RGPD8: variants seen among roughly 807,000 people sequenced by gnomAD.
The protein encoded by RGPD8 is RANBP2 like and GRIP domain containing 8.
RGPD8 carries 15 observed loss-of-function variants against 89.1 expected under a neutral mutation model. That is an observed-to-expected ratio of 0.17 (90% CI 0.11 to 0.26). The LOEUF is 0.26. Ranked by LOEUF, RGPD8 falls within the 10% of genes least tolerant of loss-of-function variation. The probability of loss-of-function intolerance (pLI) is 1.00; values close to 1 mark genes in which losing one functional copy is unlikely to be tolerated. For missense variants in RGPD8, 178 were observed against 1,179.6 expected (o/e 0.15, Z 12.44); for synonymous variants, 62 against 420.9 (o/e 0.15, Z 10.44).
At chr2:112,425,360 A>T (rs1420246079) in intron 1 of RGPD8, among the ~76,000 whole-genome samples, 1 of 151,318 alleles carries the variant, frequency 6.6e-6, no homozygotes, top group Non-Finnish European at 1.5e-5. Flanking sequence ...TCAGTATTTT[A>T]CAGTCAAGGA....
At chr2:112,430,601 A>G (rs1679985397) in intron 1 of RGPD8, among the ~76,000 whole-genome samples, 1 of 151,714 alleles carries the variant, frequency 6.6e-6, no homozygotes, top group Non-Finnish European at 1.5e-5. Flanking sequence ...ATCTTTTGGA[A>G]GCCAAGGTCC....
chr2:112,415,814 C>T (rs1679379181), intron 6 of RGPD8, among the ~76,000 whole-genome samples: 1 of 144,980 alleles, frequency 6.9e-6, no homozygotes, highest in South Asian at 2.1e-4. Flanking sequence ...ACCCAGGAGG[C>T]AGAGGTTGCA....
Position 112,390,033 on chromosome 2 carries a change from A to C in RGPD8, c.2912T>G (p.Phe971Cys), listed in dbSNP as rs1459944577. ...IFGQTSSTFT[F>C]ADVAKSTSGE... Reference sequence around the variant, plus strand: ...TGAAGTTGATTTTGCAACATCTGCAAATGTAAAAGTGCTACTTGTTTGGCC... The same window carrying C: ...TGAAGTTGATTTTGCAACATCTGCACATGTAAAAGTGCTACTTGTTTGGCC... The change falls in exon 20 of 23, where the codon TTT (phenylalanine) becomes TGT (cysteine). Residue 971 changes from phenylalanine to cysteine, a missense_variant. Transcript: ENST00000302558. 6.3e-7 allele frequency: 1 copy of C among 1,579,060 alleles called. No homozygotes were observed. The highest frequency in any genetic ancestry group is 8.6e-7 in the Non-Finnish European group (1 of 1,158,262).
At chr2:112,431,643 T>G (rs1355468129) in intron 1 of RGPD8, among the ~76,000 whole-genome samples, 2 of 140,126 alleles carry the variant, frequency 1.4e-5, no homozygotes, top group Non-Finnish European at 3.2e-5. Flanking sequence ...AGTTTCTGGT[T>G]TTTTTTTTTT....
At chr2:112,370,359 G>GGGGGGGTTT (rs1249646916) in intron 22 of RGPD8, 147 bp from the exon 23 acceptor site, 3 of 100,758 alleles carry the variant, frequency 3.0e-5, no homozygotes, top group African/African-American at 7.1e-5. Context: ...GGGGGGGGGG[G>GGGGGGGTTT]TTCTTTTTTT....
At chr2:112,415,169 G>A (rs1466867028) in intron 6 of RGPD8, among the ~76,000 whole-genome samples, 22 of 151,472 alleles carry the variant, frequency 1.5e-4, no homozygotes, top group Non-Finnish European at 2.9e-4. Context: ...AGATCACGAG[G>A]TCAGGAGATC....
intron 6 of RGPD8, among the ~76,000 whole-genome samples, chr2:112,413,054 T>C (rs1679248838): frequency 8.5e-6 from 1 of 117,548 alleles, no homozygotes; most frequent in African/African-American, 3.9e-5. Flanking sequence ...AACTGACAGG[T>C]ATTTGAGTAT....
At chr2:112,409,805 C>A (rs1679094609) in intron 7 of RGPD8, among the ~76,000 whole-genome samples, 1 of 144,154 alleles carries the variant, frequency 6.9e-6, no homozygotes, top group Admixed American at 6.8e-5. Flanking sequence ...CTCTGCCTCC[C>A]AAAACTACAT....
At chr2:112,370,359 G>A in intron 22 of RGPD8, 147 bp from the exon 23 acceptor site, 2 of 98,480 alleles carry the variant, frequency 2.0e-5, no homozygotes, top group South Asian at 2.7e-4. Flanking sequence ...GGGGGGGGGG[G>A]TTCTTTTTTT....
chr2:112,432,720 C>T, intron 1 of RGPD8: 11 of 985,256 alleles, frequency 1.1e-5, no homozygotes, highest in Non-Finnish European at 1.3e-5. Context: ...TACTACGGGG[C>T]CAGAAAGCCC....
chr2:112,422,574 T>C lies in RGPD8; in HGVS notation c.226A>G (p.Thr76Ala). The C allele has an allele frequency of 6.2e-7, 1 of 1,610,386 alleles. No homozygotes were observed. Among genetic ancestry groups the C allele is most frequent in the Non-Finnish European group, 8.5e-7 (1 of 1,179,212 alleles). Residue 76 changes from threonine (T) to alanine (A), a missense_variant, in exon 3 of 23, where the codon ACA becomes GCA. By Grantham distance (58) the Thr-to-Ala change is moderately conservative. Transcript: ENST00000302558. ...CTGTAACATTCAACGGCTTTCTCTG[T>C]GTTTTCTTCCAATTCATAAAGAAGA... is the stretch of plus-strand genomic sequence containing the variant. ...LGLLYELEEN[T>A]EKAVECYRRS...
At chr2:112,382,481 TAA>T (rs1678346611) in intron 20 of RGPD8, among the ~76,000 whole-genome samples, 1 of 151,888 alleles carries the variant, frequency 6.6e-6, no homozygotes, top group Non-Finnish European at 1.5e-5. Flanking sequence ...GCAGCTGCTC[TAA>T]AGACTGTGTG....
In RGPD8 at chr2:112,391,178, T is replaced by C. The variant is rs1678692303; in HGVS notation, c.2603-109A>G. ...AAAAGCAATAGAAATTAAAGAAAGA[T>C]TTAACTACATAAATTTTAAATTTCT... On this transcript the variant is annotated intron_variant, in intron 18 of 22. Coordinates refer to ENST00000302558, the MANE Select transcript of RGPD8 (RefSeq NM_001164463.1). 5 of 723,406 alleles carry C rather than the reference T, an allele frequency of 6.9e-6. No homozygotes were observed. In the South Asian group the frequency reaches 9.5e-5, roughly 14 times the overall value. The allele number at this position is 723,406 out of a possible 1,614,324, so 44.8% of individuals were successfully genotyped here. A position where few individuals can be genotyped will look rare whatever the true frequency, so the allele number is the denominator to read the frequency against.
chr2:112,409,336 CACA>C (rs1679075848), intron 7 of RGPD8, among the ~76,000 whole-genome samples: 1 of 99,086 alleles, frequency 1.0e-5, no homozygotes, highest in African/African-American at 5.0e-5. Context: ...ATAGGTAAAG[CACA>C]CCCACACTGA....
At chr2:112,429,415 C>CAAAAAAAAAAA (rs71412832) in intron 1 of RGPD8, among the ~76,000 whole-genome samples, 55 of 45,516 alleles carry the variant, frequency 1.2e-3, no homozygotes, top group South Asian at 1.9e-3. Flanking sequence ...GACTCCGTCT[C>CAAAAAAAAAAA]AAAAAAAAAA....
chr2:112,399,412 C>CA (rs1398692296), intron 14 of RGPD8, 43 bp from the exon 15 acceptor site: 3 of 314,778 alleles, frequency 9.5e-6, no homozygotes, highest in Admixed American at 5.9e-5. Flanking sequence ...CTTTTTAAAA[C>CA]AAAAAACTTT....
intron 7 of RGPD8, among the ~76,000 whole-genome samples, chr2:112,410,771 C>T (rs1361118369): frequency 1.6e-4 from 24 of 151,868 alleles, no homozygotes; most frequent in Non-Finnish European, 2.6e-4. Flanking sequence ...AGCGAGACTC[C>T]GTCTCAAATA....
In RGPD8 at chr2:112,426,223, C is replaced by T. The variant is rs1679762509; in HGVS notation, c.73-1916G>A. Among the ~76,000 whole-genome samples, 5 of 152,162 alleles carry T rather than the reference C, an allele frequency of 3.3e-5. No individual in the cohort carries two copies. In the South Asian group the frequency reaches 1.0e-3, roughly 32 times the overall value. Reference sequence around the variant, plus strand: ...CATCGCTATTCTTGCTCTTTGGTGCCATTTTAAATAAAATAAAGGTCACTT... The same window carrying T: ...CATCGCTATTCTTGCTCTTTGGTGCTATTTTAAATAAAATAAAGGTCACTT... On this transcript the variant is annotated intron_variant, in intron 1 of 22. Coordinates refer to ENST00000302558, the MANE Select transcript of RGPD8 (RefSeq NM_001164463.1).
At chr2:112,421,038 A>T (rs1679554020) in intron 4 of RGPD8, among the ~76,000 whole-genome samples, 1 of 152,212 alleles carries the variant, frequency 6.6e-6, no homozygotes. Context: ...GAAATCCAAA[A>T]TTTTCCAATG....
Sources: allele counts gnomAD v4.1 joint callset (sites outside exome capture counted in the v4.1 genomes callset), GRCh38; gene constraint gnomAD v4.1.1; transcripts MANE v1.5; gene names NCBI Gene and HGNC (gene_info 2026-07-23, HGNC 2026-07-21).